Variants in C8orf89 observed in about 807,000 individuals in gnomAD.
C8orf89 encodes putative uncharacterized protein C8orf89.
Under a neutral mutation model 15.8 loss-of-function variants are expected in C8orf89, and 14 were observed. The observed-to-expected ratio is 0.89, with a 90% CI of 0.59 to 1.39. C8orf89 has a LOEUF of 1.39. Among genes scored for constraint, C8orf89 ranks in the 40% most tolerant of loss-of-function variants. The pLI is 0.00. For missense variants in C8orf89, 181 were observed against 184.5 expected, an observed-to-expected ratio of 0.98 and a Z score of 0.11; for synonymous variants, 55 against 62.2, an observed-to-expected ratio of 0.88 and a Z score of 0.54.
upstream of C8orf89, among the ~76,000 whole-genome samples, chr8:73,261,682 A>G (rs1276100273): frequency 2.6e-5 from 4 of 152,200 alleles, no homozygotes; most frequent in Non-Finnish European, 5.9e-5. Context: ...TTGAAATGGC[A>G]GTGTTGGCAG....
chr8:73,261,836 T>C (rs372211909), upstream of C8orf89, among the ~76,000 whole-genome samples: 47 of 152,264 alleles, frequency 3.1e-4, no homozygotes, highest in South Asian at 8.9e-3. Context: ...AGCTCCAACC[T>C]GTCCTGCCAG....
chr8:73,277,796 T>C, the C8orf89 span: 1 of 731,652 alleles, frequency 1.4e-6, no homozygotes, highest in Non-Finnish European at 2.6e-6. Context: ...GGAAACAGCC[T>C]GGCCTCCGCA....
intron 3 of C8orf89, among the ~76,000 whole-genome samples, chr8:73,244,880 T>A (rs1813089667): frequency 1.3e-5 from 2 of 152,208 alleles, no homozygotes; most frequent in Admixed American, 6.5e-5. Flanking sequence ...TAAGATAAAT[T>A]TAAAATTCTG....
chr8:73,254,482 G>A (rs1363462839), intron 2 of C8orf89, among the ~76,000 whole-genome samples: 3 of 152,178 alleles, frequency 2.0e-5, no homozygotes, highest in South Asian at 2.1e-4. Flanking sequence ...TGTAAAAAAG[G>A]CATTCAGGGA....
At chr8:73,278,967 C>G in the C8orf89 span, among the ~76,000 whole-genome samples, 3 of 151,698 alleles carry the variant, frequency 2.0e-5, no homozygotes, top group African/African-American at 4.9e-5. Flanking sequence ...TTTTAGCTAC[C>G]CTGTTAATTA....
At chr8:73,267,861 C>T in the C8orf89 span, among the ~76,000 whole-genome samples, 1 of 152,092 alleles carries the variant, frequency 6.6e-6, no homozygotes, top group African/African-American at 2.4e-5. Flanking sequence ...CTGATGTTTC[C>T]TTGAGGAAGG....
At chr8:73,283,070 A>G in the C8orf89 span, among the ~76,000 whole-genome samples, 1 of 152,226 alleles carries the variant, frequency 6.6e-6, no homozygotes, top group African/African-American at 2.4e-5. Flanking sequence ...CACGTGAGAA[A>G]TAAGGCCAGA....
At chr8:73,267,660 TAA>T in the C8orf89 span, among the ~76,000 whole-genome samples, 7 of 152,236 alleles carry the variant, frequency 4.6e-5, no homozygotes, top group Non-Finnish European at 8.8e-5. Context: ...TTATGACGAT[TAA>T]TGTTTTGTTT....
intron 3 of C8orf89, among the ~76,000 whole-genome samples, chr8:73,245,189 C>T (rs1813098343): frequency 6.6e-6 from 1 of 152,214 alleles, no homozygotes; most frequent in African/African-American, 2.4e-5. Flanking sequence ...AATCATCTCC[C>T]ACTGAGTCCA....
chr8:73,259,545 G>T, upstream of C8orf89: 1 of 938,644 alleles, frequency 1.1e-6, no homozygotes, highest in Non-Finnish European at 1.5e-6. Flanking sequence ...GCACGTCCGA[G>T]ACAAGGCAAA....
upstream of C8orf89, among the ~76,000 whole-genome samples, chr8:73,261,257 A>C (rs1477970296): frequency 6.6e-6 from 1 of 152,148 alleles, no homozygotes; most frequent in Non-Finnish European, 1.5e-5. Context: ...ACCCTGACTA[A>C]TACAAGCACA....
At chr8:73,259,551 G>C (rs1312459193), upstream of C8orf89, 1 of 776,682 alleles carries the variant, frequency 1.3e-6, no homozygotes, top group Non-Finnish European at 1.9e-6. Flanking sequence ...CCGAGACAAG[G>C]CAAACAGATG....
chr8:73,283,147 T>C, the C8orf89 span, among the ~76,000 whole-genome samples: 3 of 152,086 alleles, frequency 2.0e-5, no homozygotes, highest in Admixed American at 1.3e-4. Context: ...CCTTAAAATA[T>C]ATGCAAGGCA....
chr8:73,269,762 T>C, the C8orf89 span, among the ~76,000 whole-genome samples: 1 of 152,298 alleles, frequency 6.6e-6, no homozygotes, highest in East Asian at 1.9e-4. Flanking sequence ...AATAACTCAA[T>C]ATAGTATGTA....
rs1057262462 is a variant in C8orf89 at position 73,253,218 on chromosome 8, A to G, written c.282-2895T>C. ...AAACAAACCAAAGCAGAAGCTGAGTAGAATGTGAGACTATCTTACTAACTT... is the reference window on the plus strand; with the variant it reads ...AAACAAACCAAAGCAGAAGCTGAGTGGAATGTGAGACTATCTTACTAACTT... On this transcript the variant is annotated intron_variant, in intron 2 of 3. Coordinates refer to ENST00000624510, the MANE Select transcript of C8orf89 (RefSeq NM_001243237.3). Among the ~76,000 whole-genome samples, 4 of 152,358 alleles carry G rather than the reference A, an allele frequency of 2.6e-5. No homozygotes were observed. The East Asian group carries it at 7.7e-4, about 29-fold the overall frequency.
the C8orf89 span, among the ~76,000 whole-genome samples, chr8:73,279,894 C>A: frequency 6.6e-6 from 1 of 152,182 alleles, no homozygotes; most frequent in Admixed American, 6.5e-5. Flanking sequence ...AGTCAAGAGC[C>A]AGCATCAACC....
chr8:73,244,129 G>A (rs1288469774), intron 3 of C8orf89, among the ~76,000 whole-genome samples: 1 of 152,122 alleles, frequency 6.6e-6, no homozygotes, highest in African/African-American at 2.4e-5. Flanking sequence ...TAAATGCTAA[G>A]TGAAGTAAAA....
chr8:73,254,749 G>C (rs1813331642), intron 2 of C8orf89, among the ~76,000 whole-genome samples: 1 of 152,122 alleles, frequency 6.6e-6, no homozygotes, highest in Admixed American at 6.6e-5. Flanking sequence ...CATGAAGCAT[G>C]GTACTGGTAC....
chr8:73,262,488 T>C (rs111930281), upstream of C8orf89, among the ~76,000 whole-genome samples: 3 of 152,124 alleles, frequency 2.0e-5, no homozygotes, highest in Non-Finnish European at 4.4e-5. Context: ...CTTTTGTGTG[T>C]ATTTGAAATT....
Sources: gnomAD v4.1 joint callset for allele counts (sites outside exome capture counted in the v4.1 genomes callset) on GRCh38, gnomAD v4.1.1 for gene constraint, MANE v1.5 for transcripts, NCBI Gene and HGNC (gene_info 2026-07-23, HGNC 2026-07-21) for gene names.